The following GABRG1 variants were observed in gnomAD, a reference collection of about 807,000 sequenced individuals.
GABRG1 encodes gamma-aminobutyric acid type A receptor subunit gamma1, also known as gamma-aminobutyric acid receptor subunit gamma-1.
A neutral mutation model predicts 49.8 loss-of-function variants in GABRG1; 49 were observed. The observed-to-expected ratio is 0.98, with a 90% CI of 0.78 to 1.25. GABRG1 has a LOEUF of 1.25. Among genes scored for constraint, GABRG1 ranks in the 50% most tolerant of loss-of-function variants. The probability of loss-of-function intolerance (pLI) is 0.00; values close to 1 mark genes in which losing one functional copy is unlikely to be tolerated. For missense variants in GABRG1, 552 were observed against 552.3 expected (o/e 1.00, Z 0.01); for synonymous variants, 232 against 185.1 (o/e 1.25, Z -2.06).
chr4:46,071,003 T>G (rs933029568), intron 3 of GABRG1, among the ~76,000 whole-genome samples: 1 of 152,096 alleles, frequency 6.6e-6, no homozygotes, highest in African/African-American at 2.4e-5. Context: ...CAGTCAATGA[T>G]GTACAACGTT....
At chr4:46,121,002 G>A (rs1054374817) in intron 1 of GABRG1, among the ~76,000 whole-genome samples, 1 of 151,774 alleles carries the variant, frequency 6.6e-6, no homozygotes, top group Non-Finnish European at 1.5e-5. Context: ...AGATGCCAAA[G>A]AGTCTCCTAG....
intron 3 of GABRG1, among the ~76,000 whole-genome samples, chr4:46,066,977 T>C (rs1718941711): frequency 6.6e-6 from 1 of 151,892 alleles, no homozygotes; most frequent in African/African-American, 2.4e-5. Context: ...AAATAGGTAT[T>C]ATATAAGTTA....
intron 1 of GABRG1, among the ~76,000 whole-genome samples, chr4:46,103,911 G>T (rs1497559): frequency 7.3e-5 from 11 of 150,946 alleles, no homozygotes; most frequent in Non-Finnish European, 1.6e-4. Context: ...TAGCAATCAG[G>T]AGCCAAATTC....
chr4:46,071,486 T>G (rs933471741), intron 3 of GABRG1, among the ~76,000 whole-genome samples: 8 of 150,322 alleles, frequency 5.3e-5, no homozygotes, highest in Non-Finnish European at 8.9e-5. Context: ...TATGTATTTG[T>G]ATACAATATG....
intron 1 of GABRG1, among the ~76,000 whole-genome samples, chr4:46,103,014 AT>A (rs34603251): frequency 0.08 from 12,204 of 151,614 alleles, 941 homozygotes; most frequent in African/African-American, 0.2. Flanking sequence ...CCCCAAAATG[AT>A]TTTTAATAGC....
chr4:46,059,165 C>T (rs973124822), intron 5 of GABRG1, among the ~76,000 whole-genome samples: 1 of 151,834 alleles, frequency 6.6e-6, no homozygotes, highest in Non-Finnish European at 1.5e-5. Flanking sequence ...AAAAACACAC[C>T]GAAATTTATC....
intron 3 of GABRG1, among the ~76,000 whole-genome samples, chr4:46,067,357 T>A (rs1446278188): frequency 6.6e-6 from 1 of 152,106 alleles, no homozygotes; most frequent in South Asian, 2.1e-4. Context: ...AACTATGTAA[T>A]TGAGTATGAG....
intron 2 of GABRG1, among the ~76,000 whole-genome samples, chr4:46,091,636 A>G (rs1719992971): frequency 6.6e-6 from 1 of 152,094 alleles, no homozygotes; most frequent in South Asian, 2.1e-4. Flanking sequence ...TAGGTCGGTA[A>G]TAAAGAGCAG....
At chr4:46,083,674 TTC>T (rs1719653079) in intron 3 of GABRG1, among the ~76,000 whole-genome samples, 1 of 151,576 alleles carries the variant, frequency 6.6e-6, no homozygotes, top group Admixed American at 6.6e-5. Context: ...ATTGACTACT[TTC>T]CCCTCAGACT....
In GABRG1 at chr4:46,084,055, T is replaced by C; in HGVS notation, c.254-2A>G. The C allele has an allele frequency of 6.4e-7, 1 of 1,554,190 alleles. No individual in the cohort carries two copies. On this transcript the variant is annotated splice_acceptor_variant, in intron 2 of 8. Transcript: ENST00000295452. LOFTEE classifies it high-confidence loss of function. Reference sequence around the variant, plus strand: ...CAGTTTCAATTACTGTGGGCCTCACTGCAAAATATCAACAAAAAGAAAGGT... The same window carrying C: ...CAGTTTCAATTACTGTGGGCCTCACCGCAAAATATCAACAAAAAGAAAGGT...
intron 5 of GABRG1, among the ~76,000 whole-genome samples, chr4:46,061,278 G>A (rs904706280): frequency 2.6e-5 from 4 of 151,798 alleles, no homozygotes; most frequent in Non-Finnish European, 4.4e-5. Flanking sequence ...CAGTGAGGTA[G>A]ATCATTAATA....
chr4:46,036,322 G>A lies in GABRG1; in HGVS notation c.*4666C>T, dbSNP rs767863900. 4.0e-5 allele frequency: 6 copies of A among 151,720 alleles called. No individual in the cohort carries two copies. In the South Asian group the frequency reaches 1.2e-3, roughly 32 times the overall value. The allele number at this position is 151,720 out of a possible 1,614,324, so 9.4% of individuals were successfully genotyped here. ...TTTATACATATATATATGTATGTAT[G>A]TCTCAGTTAGAAAACTGGAAATGGT... On this transcript the variant is annotated 3_prime_UTR_variant, in exon 9 of 9. Transcript: ENST00000295452.
At chr4:46,098,567 C>T (rs1222833325) in intron 1 of GABRG1, among the ~76,000 whole-genome samples, 1 of 151,774 alleles carries the variant, frequency 6.6e-6, no homozygotes, top group Non-Finnish European at 1.5e-5. Flanking sequence ...TATCCGTAAA[C>T]TCTCAAGCTG....
chr4:46,121,118 G>C (rs780822451), intron 1 of GABRG1, among the ~76,000 whole-genome samples: 30 of 151,700 alleles, frequency 2.0e-4, no homozygotes, highest in Admixed American at 7.3e-4. Context: ...CTATACTGTT[G>C]ATGGAAATTA....
At chr4:46,065,156 T>G (rs543647956) in intron 4 of GABRG1, among the ~76,000 whole-genome samples, 4 of 152,148 alleles carry the variant, frequency 2.6e-5, no homozygotes, top group African/African-American at 4.8e-5. Flanking sequence ...TCAAAGAATT[T>G]TTTCTCTTTG....
intron 3 of GABRG1, among the ~76,000 whole-genome samples, chr4:46,080,996 T>C (rs1719545815): frequency 6.6e-6 from 1 of 151,910 alleles, no homozygotes; most frequent in Non-Finnish European, 1.5e-5. Context: ...AATCAGCTTA[T>C]TGTATAGTAA....
At chr4:46,122,231 A>T (rs756725990) in intron 1 of GABRG1, among the ~76,000 whole-genome samples, 1 of 152,038 alleles carries the variant, frequency 6.6e-6, no homozygotes, top group African/African-American at 2.4e-5. Flanking sequence ...AAAACAAAAC[A>T]TGTTTATTTA....
intron 8 of GABRG1, among the ~76,000 whole-genome samples, chr4:46,043,187 T>C (rs1211721675): frequency 3.3e-5 from 5 of 151,986 alleles, no homozygotes; most frequent in African/African-American, 9.7e-5. Flanking sequence ...AATGGAAATA[T>C]GGTGTGTTTT....
intron 1 of GABRG1, among the ~76,000 whole-genome samples, chr4:46,099,388 G>A (rs1470182483): frequency 6.6e-6 from 1 of 151,696 alleles, no homozygotes; most frequent in African/African-American, 2.4e-5. Flanking sequence ...CTCTCAGAGT[G>A]AAGGTGACTT....
Sources: allele counts gnomAD v4.1 joint callset (sites outside exome capture counted in the v4.1 genomes callset), GRCh38; gene constraint gnomAD v4.1.1; transcripts MANE v1.5; gene names NCBI Gene and HGNC (gene_info 2026-07-23, HGNC 2026-07-21).